Variants in GRXCR2 observed in about 807,000 individuals in gnomAD.
The protein encoded by GRXCR2 is glutaredoxin and cysteine rich domain containing 2, also known as glutaredoxin domain-containing cysteine-rich protein 2.
GRXCR2 carries 23 observed loss-of-function variants against 24.8 expected under a neutral mutation model. That is an observed-to-expected ratio of 0.93 (90% CI 0.67 to 1.32). The LOEUF (loss-of-function observed/expected upper bound fraction) is 1.32, where lower values mean the gene tolerates loss of function less well. GRXCR2 is among the 40% of genes most tolerant of loss of function. The pLI is 0.00. For missense variants in GRXCR2, 315 were observed against 303.4 expected (o/e 1.04, Z -0.28); for synonymous variants, 130 against 116.1 (o/e 1.12, Z -0.77).
intron 1 of GRXCR2, among the ~76,000 whole-genome samples, chr5:145,871,923 C>T (rs951870965): frequency 1.3e-5 from 2 of 152,246 alleles, no homozygotes; most frequent in Admixed American, 6.5e-5. Context: ...TTTTTGGATA[C>T]CAGTGTATGT....
chr5:145,892,468 G>A (rs565901674), intron 2 of GRXCR2, among the ~76,000 whole-genome samples: 32 of 152,258 alleles, frequency 2.1e-4, no homozygotes, highest in Admixed American at 5.2e-4. Flanking sequence ...ACCATGGCAC[G>A]AGAACTACAT....
Position 145,879,567 on chromosome 5 carries a change from G to T in GRXCR2, c.-69-12839C>A, listed in dbSNP as rs372269. 5.9e-4 allele frequency among the ~76,000 whole-genome samples: 90 copies of T among 152,056 alleles called. 3 individuals carry two copies. In the South Asian group the frequency reaches 0.017, roughly 28 times the overall value. On this transcript the variant is annotated intron_variant, in intron 2 of 3. Transcript: ENST00000639411. ...ATTGATAAAGCAAGTCCTTAGAGAC[G>T]GACAAAGAGACTTAGATTCCCACAC...
At chr5:145,888,859 G>A (rs1046415832) in intron 2 of GRXCR2, among the ~76,000 whole-genome samples, 1 of 151,966 alleles carries the variant, frequency 6.6e-6, no homozygotes, top group Non-Finnish European at 1.5e-5. Context: ...TGAAAAATAG[G>A]TCTTGGCACA....
intron 2 of GRXCR2, among the ~76,000 whole-genome samples, chr5:145,917,202 C>G (rs1337713754): frequency 2.6e-5 from 4 of 151,924 alleles, no homozygotes; most frequent in African/African-American, 7.3e-5. Flanking sequence ...CACTCGCCCC[C>G]CGAGATTAAT....
At chr5:145,901,516 G>A (rs1356216031) in intron 2 of GRXCR2, among the ~76,000 whole-genome samples, 1 of 152,196 alleles carries the variant, frequency 6.6e-6, no homozygotes, top group Non-Finnish European at 1.5e-5. Flanking sequence ...TAAAAATGCA[G>A]AGATTCTTGA....
intron 2 of GRXCR2, among the ~76,000 whole-genome samples, chr5:145,892,501 G>A (rs980826700): frequency 6.6e-6 from 1 of 152,204 alleles, no homozygotes; most frequent in Non-Finnish European, 1.5e-5. Flanking sequence ...AGTCTCAGTA[G>A]CCAATTCAAT....
intron 2 of GRXCR2, among the ~76,000 whole-genome samples, chr5:145,900,777 TC>T (rs1481817213): frequency 6.6e-6 from 1 of 152,192 alleles, no homozygotes; most frequent in Non-Finnish European, 1.5e-5. Flanking sequence ...GACCTGGCAA[TC>T]CCATCACTGG....
At chr5:145,910,837 A>T (rs1224215115) in intron 2 of GRXCR2, among the ~76,000 whole-genome samples, 1 of 150,204 alleles carries the variant, frequency 6.7e-6, no homozygotes, top group Non-Finnish European at 1.5e-5. Flanking sequence ...AACTATGTGA[A>T]GTGTGTGTGT....
Position 145,858,899 on chromosome 5 carries a change from C to T in GRXCR2, c.*834G>A, listed in dbSNP as rs989170906. The stretch of plus-strand genomic sequence containing the variant: ...TTTCCAGTAGGTAATCTATAAAATA[C>T]CTGCAGTCCTTTATGAAGAGATCAT... On this transcript the variant is annotated 3_prime_UTR_variant, in exon 3 of 3. Coordinates refer to ENST00000377976, the MANE Select transcript of GRXCR2 (RefSeq NM_001080516.2). 4 of 152,028 alleles carry T rather than the reference C, an allele frequency of 2.6e-5. No homozygotes were observed. The highest frequency in any genetic ancestry group is 4.8e-5 in the African/African-American group (2 of 41,396). The allele number at this position is 152,028 out of a possible 1,614,324, so 9.4% of individuals were successfully genotyped here.
chr5:145,869,217 G>A (rs1162349435), intron 1 of GRXCR2, among the ~76,000 whole-genome samples: 1 of 152,198 alleles, frequency 6.6e-6, no homozygotes, highest in South Asian at 2.1e-4. Flanking sequence ...TATGAGGTTT[G>A]CAAGTTAGTT....
intron 1 of GRXCR2, among the ~76,000 whole-genome samples, chr5:145,869,334 C>T (rs1756488157): frequency 6.6e-6 from 1 of 152,214 alleles, no homozygotes; most frequent in South Asian, 2.1e-4. Flanking sequence ...AATGTTACCT[C>T]CCTTCCTTTT....
intron 2 of GRXCR2, among the ~76,000 whole-genome samples, chr5:145,889,215 AGAAAG>A (rs1756825704): frequency 6.6e-6 from 1 of 151,402 alleles, no homozygotes; most frequent in African/African-American, 2.4e-5. Context: ...AAAGAAAGAA[AGAAAG>A]AAAGAAAGAA....
intron 2 of GRXCR2, among the ~76,000 whole-genome samples, chr5:145,917,909 A>T (rs989030603): frequency 2.6e-5 from 4 of 152,142 alleles, no homozygotes; most frequent in African/African-American, 4.8e-5. Flanking sequence ...CCTCCCAAGT[A>T]GCTGGGACTA....
chr5:145,876,230 C>T (rs1400869390), upstream of GRXCR2, among the ~76,000 whole-genome samples: 166 of 133,730 alleles, frequency 1.2e-3, no homozygotes, highest in African/African-American at 4.1e-3. Context: ...CACACACACA[C>T]ATACCCACAC....
At chr5:145,864,692 T>G (rs890112962) in intron 2 of GRXCR2, among the ~76,000 whole-genome samples, 1 of 152,110 alleles carries the variant, frequency 6.6e-6, no homozygotes, top group Non-Finnish European at 1.5e-5. Flanking sequence ...TCCACCAAGA[T>G]TGTAAGTTTC....
intron 2 of GRXCR2, among the ~76,000 whole-genome samples, chr5:145,864,663 C>T (rs1756398301): frequency 6.6e-6 from 1 of 152,082 alleles, no homozygotes; most frequent in African/African-American, 2.4e-5. Flanking sequence ...GTAAGATGTG[C>T]CTTGCTTCCC....
rs1194192749 is a variant in GRXCR2, at chr5:145,917,677, T to C, written c.-70+18024A>G. On this transcript the variant is annotated intron_variant, in intron 2 of 3. Coordinates refer to the GRXCR2 transcript ENST00000639411. The stretch of plus-strand genomic sequence containing the variant: ...CCACTGACAGCTTCTAATGAGATTA[T>C]TAGGTTCAGGTGCCATGGACTAGCC... Among the ~76,000 whole-genome samples the C allele has an allele frequency of 2.6e-5, 4 of 152,154 alleles. No individual in the cohort carries two copies. In the East Asian group the frequency reaches 7.7e-4, roughly 29 times the overall value.
intron 2 of GRXCR2, among the ~76,000 whole-genome samples, chr5:145,913,999 T>C (rs193125290): frequency 2.4e-3 from 365 of 152,318 alleles, no homozygotes; most frequent in African/African-American, 5.3e-3. Flanking sequence ...AAATGTCTAA[T>C]AGCAGAGGAG....
chr5:145,924,476 G>A (rs1356774223), intron 2 of GRXCR2, among the ~76,000 whole-genome samples: 5 of 152,112 alleles, frequency 3.3e-5, no homozygotes, highest in Non-Finnish European at 4.4e-5. Flanking sequence ...GTTTCTTGGA[G>A]ATTAACCTGA....
Sources: gnomAD v4.1 joint callset for allele counts (sites outside exome capture counted in the v4.1 genomes callset) on GRCh38, gnomAD v4.1.1 for gene constraint, MANE v1.5 for transcripts, NCBI Gene and HGNC (gene_info 2026-07-23, HGNC 2026-07-21) for gene names.